FSIP1: variants seen among roughly 807,000 people sequenced by gnomAD.
FSIP1 encodes the protein fibrous sheath interacting protein 1.
In FSIP1, 65 loss-of-function variants were observed where a neutral mutation model predicts 60.9. That is an observed-to-expected ratio of 1.07 (90% confidence interval 0.87 to 1.31). The LOEUF is 1.31. Among genes scored for constraint, FSIP1 ranks in the 40% most tolerant of loss-of-function variants. FSIP1 has a pLI of 0.00. For synonymous variants in FSIP1, 209 were observed against 221.2 expected (o/e 0.94, Z 0.49); for missense variants, 675 against 665.5 (o/e 1.01, Z -0.16).
chr15:39,739,204 G>A (rs1200254606), intron 7 of FSIP1, among the ~76,000 whole-genome samples: 1 of 152,166 alleles, frequency 6.6e-6, no homozygotes, highest in Non-Finnish European at 1.5e-5. Context: ...CCAGAGAAGA[G>A]GCGGACAACC....
rs149464599 is a variant in FSIP1, at chr15:39,604,486, T to A, written c.1700-3560A>T. Among the ~76,000 whole-genome samples, 252 of 152,340 alleles carry A rather than the reference T, an allele frequency of 1.7e-3. 1 individual carries two copies. The highest frequency in any genetic ancestry group is 7.3e-3 in the East Asian group (38 of 5,192). On this transcript the variant is annotated intron_variant, in intron 11 of 11. Transcript: ENST00000350221. Reference sequence around the variant, plus strand: ...AAATGATCAACAGCAAATATTTATATGAAAAGTCTACCTCAAGAAGAATTA... The same window carrying A: ...AAATGATCAACAGCAAATATTTATAAGAAAAGTCTACCTCAAGAAGAATTA...
intron 8 of FSIP1, among the ~76,000 whole-genome samples, chr15:39,729,822 G>A (rs990613943): frequency 7.2e-5 from 11 of 152,150 alleles, no homozygotes; most frequent in African/African-American, 2.7e-4. Flanking sequence ...TCACTTATAA[G>A]TGGGAGCTAA....
chr15:39,629,402 A>T (rs1032186714), intron 10 of FSIP1, among the ~76,000 whole-genome samples: 2 of 152,196 alleles, frequency 1.3e-5, no homozygotes, highest in African/African-American at 2.4e-5. Context: ...GCTTCTAGAT[A>T]CTTTTACATT....
At chr15:39,709,744 A>G (rs1895420928) in intron 10 of FSIP1, among the ~76,000 whole-genome samples, 1 of 152,118 alleles carries the variant, frequency 6.6e-6, no homozygotes, top group African/African-American at 2.4e-5. Flanking sequence ...GGAGCATGCA[A>G]ACTAGACCTC....
chr15:39,726,864 CACACACACA>C, intron 8 of FSIP1, 117 bp from the exon 9 acceptor site: 1 of 640,968 alleles, frequency 1.6e-6, no homozygotes, highest in Non-Finnish European at 2.7e-6. Flanking sequence ...CACACACACA[CACACACACA>C]ACACACACAA....
intron 10 of FSIP1, among the ~76,000 whole-genome samples, chr15:39,696,377 AC>A: frequency 6.6e-6 from 1 of 152,218 alleles, no homozygotes; most frequent in Non-Finnish European, 1.5e-5. Flanking sequence ...CTGCCAATAA[AC>A]AACTGAAAAC....
intron 10 of FSIP1, among the ~76,000 whole-genome samples, chr15:39,678,716 C>G (rs975323430): frequency 6.6e-6 from 1 of 152,066 alleles, no homozygotes; most frequent in African/African-American, 2.4e-5. Flanking sequence ...TTATCACTCC[C>G]TAAAGTCAAT....
At chr15:39,702,927 A>G (rs1444949736) in intron 10 of FSIP1, among the ~76,000 whole-genome samples, 1 of 151,866 alleles carries the variant, frequency 6.6e-6, no homozygotes, top group Non-Finnish European at 1.5e-5. Flanking sequence ...GCTCAACAAT[A>G]AGAATTTAAG....
chr15:39,757,086 C>G (rs1321527795), intron 5 of FSIP1, among the ~76,000 whole-genome samples: 1 of 151,974 alleles, frequency 6.6e-6, no homozygotes, highest in Non-Finnish European at 1.5e-5. Flanking sequence ...GGACAATTTA[C>G]AAGTGCCTGA....
At chr15:39,599,630 G>A (rs1429947354), downstream of FSIP1, among the ~76,000 whole-genome samples, 1 of 150,306 alleles carries the variant, frequency 6.7e-6, no homozygotes, top group Non-Finnish European at 1.5e-5. Context: ...CTGAAACGCT[G>A]ACGGACAACA....
rs561941262 is a variant in FSIP1, at chr15:39,675,751, T to C, written c.1188+37693A>G. On this transcript the variant is annotated intron_variant, in intron 10 of 11. Transcript: ENST00000350221. ...AACCTCCAGAATTTCCATGGTGTCA[T>C]ATGCAGTCTCCTTCACTTATTTCAT... Among the ~76,000 whole-genome samples, 5 of 152,336 alleles carry C rather than the reference T, an allele frequency of 3.3e-5. No individual in the cohort carries two copies. The East Asian group carries it at 9.6e-4, about 29-fold the overall frequency.
chr15:39,777,360 C>A (rs1033191214), intron 1 of FSIP1, among the ~76,000 whole-genome samples: 2 of 152,206 alleles, frequency 1.3e-5, no homozygotes, highest in African/African-American at 4.8e-5. Context: ...CAACCCTCCC[C>A]TTCTAAAACC....
chr15:39,782,549 C>A (rs996449090), intron 1 of FSIP1, 79 bp downstream of exon 1: 40 of 152,446 alleles, frequency 2.6e-4, no homozygotes, highest in Admixed American at 2.4e-3. Flanking sequence ...GCCAAGCGGC[C>A]CGACGCAGCT....
chr15:39,759,708 G>C (rs971525159), intron 5 of FSIP1, among the ~76,000 whole-genome samples: 2 of 152,146 alleles, frequency 1.3e-5, no homozygotes, highest in Non-Finnish European at 2.9e-5. Flanking sequence ...GTTCCCTCCA[G>C]AGGTTCTAGA....
chr15:39,633,944 C>T (rs16969460), intron 10 of FSIP1, among the ~76,000 whole-genome samples: 18,815 of 152,146 alleles, frequency 0.12, 1,390 homozygotes, highest in East Asian at 0.21. Context: ...TTTGCAGATA[C>T]AGAAACTTAC....
Position 39,649,878 on chromosome 15 carries a change from C to T in FSIP1, c.1189-31633G>A, listed in dbSNP as rs528967771. On this transcript the variant is annotated intron_variant, in intron 10 of 11. Coordinates refer to ENST00000350221, the MANE Select transcript of FSIP1 (RefSeq NM_152597.5). ...GCCTTCCATAGAAATCATGTTTTCA[C>T]TCACATACCTACTCAGTAAACACTT... Among the ~76,000 whole-genome samples the T allele has an allele frequency of 2.6e-5, 4 of 152,318 alleles. No homozygotes were observed. In the East Asian group the frequency reaches 7.7e-4, roughly 29 times the overall value.
intron 5 of FSIP1, among the ~76,000 whole-genome samples, chr15:39,757,895 T>G (rs913808215): frequency 6.6e-6 from 1 of 152,144 alleles, no homozygotes. Flanking sequence ...TACTTTTGCA[T>G]CTTACCTGCT....
chr15:39,716,079 C>A (rs1029664230), intron 9 of FSIP1, among the ~76,000 whole-genome samples: 2 of 152,204 alleles, frequency 1.3e-5, no homozygotes, highest in African/African-American at 4.8e-5. Flanking sequence ...TAATACACAT[C>A]TAGAGGCTGA....
At chr15:39,611,517 A>ATT (rs1891031970) in intron 11 of FSIP1, among the ~76,000 whole-genome samples, 1 of 152,222 alleles carries the variant, frequency 6.6e-6, no homozygotes, top group African/African-American at 2.4e-5. Context: ...GTTGCACAAA[A>ATT]TATAAAAGGA....
Sources: allele counts gnomAD v4.1 joint callset (sites outside exome capture counted in the v4.1 genomes callset), GRCh38; gene constraint gnomAD v4.1.1; transcripts MANE v1.5; gene names NCBI Gene and HGNC (gene_info 2026-07-23, HGNC 2026-07-21).